The following BCL11A variants were observed in gnomAD, a reference collection of about 807,000 sequenced individuals.
BCL11A encodes the protein BCL11 transcription factor A.
In BCL11A, 2 loss-of-function variants were observed where a neutral mutation model predicts 55.9. That is an observed-to-expected ratio of 0.04 (90% CI 0.01 to 0.11). The LOEUF (loss-of-function observed/expected upper bound fraction) is 0.11. BCL11A is among the 10% of genes least tolerant of loss of function. BCL11A has a pLI of 1.00. For synonymous variants in BCL11A, 465 were observed against 473.4 expected, an observed-to-expected ratio of 0.98 and a Z score of 0.23; for missense variants, 817 against 1,137.1, an observed-to-expected ratio of 0.72 and a Z score of 4.05.
At chr2:60,469,485 C>T (rs1191529615) in intron 2 of BCL11A, among the ~76,000 whole-genome samples, 1 of 152,142 alleles carries the variant, frequency 6.6e-6, no homozygotes, top group Non-Finnish European at 1.5e-5. Context: ...TCTCACAATA[C>T]AAAGCAATGG....
intron 1 of BCL11A, among the ~76,000 whole-genome samples, chr2:60,547,811 T>C (rs1024020995): frequency 6.6e-6 from 1 of 152,208 alleles, no homozygotes; most frequent in Non-Finnish European, 1.5e-5. Context: ...CTCCCAGATG[T>C]GCTAGGTGAA....
rs1239787450 is a variant in BCL11A, at chr2:60,460,274, T to G, written c.*130A>C. 3 of 1,438,910 alleles carry G rather than the reference T, an allele frequency of 2.1e-6. No individual in the cohort carries two copies. Among genetic ancestry groups the G allele is most frequent in the African/African-American group, 1.4e-5 (1 of 69,898 alleles). 89.1% of individuals were successfully genotyped at this position (1,438,910 alleles called of 1,614,324 possible). A position where few individuals can be genotyped will look rare whatever the true frequency, so the allele number is the denominator to read the frequency against. ...CTTAGCTTCGTTACTTCTGTTTGTT[T>G]GTTTGTTTGTTTAAATCACATGGGA... On this transcript the variant is annotated 3_prime_UTR_variant, in exon 4 of 4. Coordinates refer to ENST00000642384, the MANE Select transcript of BCL11A (RefSeq NM_022893.4).
chr2:60,538,694 G>C (rs953742432), intron 2 of BCL11A: 3 of 150,222 alleles, frequency 2.0e-5, no homozygotes, highest in Non-Finnish European at 4.4e-5. Context: ...AAGTCCTTTA[G>C]ATCAGTACTA....
At chr2:60,497,484 T>C (rs1027899077) in intron 2 of BCL11A, among the ~76,000 whole-genome samples, 10 of 152,194 alleles carry the variant, frequency 6.6e-5, no homozygotes, top group Admixed American at 3.3e-4. Flanking sequence ...CTGCCGCTCC[T>C]GAATTGAATT....
intron 2 of BCL11A, among the ~76,000 whole-genome samples, chr2:60,508,206 C>A (rs1679753012): frequency 6.6e-6 from 1 of 152,110 alleles, no homozygotes; most frequent in Non-Finnish European, 1.5e-5. Context: ...TCTACCCCCA[C>A]CCCCAAACAA....
intron 2 of BCL11A, among the ~76,000 whole-genome samples, chr2:60,482,238 A>G (rs1678002904): frequency 6.6e-6 from 1 of 152,078 alleles, no homozygotes; most frequent in Non-Finnish European, 1.5e-5. Flanking sequence ...CCTCCATTAA[A>G]AAAAAAAATT....
rs1393116188 is a variant in BCL11A at position 60,549,538 on chromosome 2, G to A, written c.56-3238C>T. Among the ~76,000 whole-genome samples, 3 of 152,222 alleles carry A rather than the reference G, an allele frequency of 2.0e-5. No individual in the cohort carries two copies. In the East Asian group the frequency reaches 5.8e-4, roughly 29 times the overall value. ...AAGTGAAGTTGGGCGCGGGGACTCT[G>A]AGGCACAAAGCGAGCAGCGTGCTGG... On this transcript the variant is annotated intron_variant, in intron 1 of 3. Transcript: ENST00000642384.
chr2:60,523,589 T>A (rs1005093387), intron 2 of BCL11A, among the ~76,000 whole-genome samples: 1 of 152,128 alleles, frequency 6.6e-6, no homozygotes, highest in South Asian at 2.1e-4. Context: ...TATGTATGTG[T>A]GTATATAGAT....
chr2:60,511,850 G>C (rs1383576339), intron 2 of BCL11A, among the ~76,000 whole-genome samples: 2 of 152,202 alleles, frequency 1.3e-5, no homozygotes, highest in Non-Finnish European at 2.9e-5. Context: ...GCAAGGGTTG[G>C]AGGGAGCTTT....
downstream of BCL11A, among the ~76,000 whole-genome samples, chr2:60,453,469 C>A (rs1675809599): frequency 6.6e-6 from 1 of 152,276 alleles, no homozygotes; most frequent in Admixed American, 6.5e-5. Context: ...GGCCTCCTCT[C>A]CCCTGACTTG....
At chr2:60,551,156 A>C (rs1670398974) in intron 1 of BCL11A, among the ~76,000 whole-genome samples, 1 of 152,212 alleles carries the variant, frequency 6.6e-6, no homozygotes, top group African/African-American at 2.4e-5. Context: ...TTAAAGTAAG[A>C]ATCATAAATT....
chr2:60,467,120 G>GTGGTGGTGATGGTGGTGT (rs1558618173), intron 3 of BCL11A, among the ~76,000 whole-genome samples: 2 of 134,276 alleles, frequency 1.5e-5, no homozygotes, highest in African/African-American at 2.8e-5. Context: ...AGTGGTGGTG[G>GTGGTGGTGATGGTGGTGT]TGGTGGTGAT....
intron 2 of BCL11A, among the ~76,000 whole-genome samples, chr2:60,507,745 G>C (rs1679726977): frequency 6.6e-6 from 1 of 151,652 alleles, no homozygotes; most frequent in African/African-American, 2.4e-5. Context: ...AACAGCACAA[G>C]ACAGAAAGCG....
intron 2 of BCL11A, among the ~76,000 whole-genome samples, chr2:60,474,676 T>A (rs1186251274): frequency 6.6e-6 from 1 of 152,224 alleles, no homozygotes; most frequent in Non-Finnish European, 1.5e-5. Flanking sequence ...ATCACATACC[T>A]CACTATGCAA....
intron 2 of BCL11A, among the ~76,000 whole-genome samples, chr2:60,502,601 CT>C (rs2104415738): frequency 6.6e-6 from 1 of 152,302 alleles, no homozygotes; most frequent in African/African-American, 2.4e-5. Context: ...CAATCCCATG[CT>C]TTCTAATATT....
chr2:60,545,895 CT>C, intron 2 of BCL11A, 75 bp downstream of exon 2: 1 of 1,300,472 alleles, frequency 7.7e-7, no homozygotes, highest in Non-Finnish European at 1.1e-6. Flanking sequence ...TTCACAACTC[CT>C]TACTGCTTGG....
At chr2:60,512,246 T>G (rs1417005620) in intron 2 of BCL11A, among the ~76,000 whole-genome samples, 1 of 152,208 alleles carries the variant, frequency 6.6e-6, no homozygotes, top group African/African-American at 2.4e-5. Flanking sequence ...CCTGTCACTG[T>G]GGAACTGCTC....
rs1219433341 is a variant in BCL11A, at chr2:60,476,892, T to C, written c.386-8059A>G. ...TCTCTAATTTATCAGTTTCCATTAA[T>C]GAGATTTTTGTGTGTATTGGGCCTT... is the stretch of plus-strand genomic sequence containing the variant. On this transcript the variant is annotated intron_variant, in intron 2 of 3. Transcript: ENST00000642384. 2.0e-5 allele frequency among the ~76,000 whole-genome samples: 3 copies of C among 152,238 alleles called. No homozygotes were observed. In the East Asian group the frequency reaches 5.8e-4, roughly 29 times the overall value.
upstream of BCL11A, chr2:60,553,854 G>C (rs1286906430): frequency 2.0e-5 from 3 of 148,218 alleles, no homozygotes; most frequent in Admixed American, 1.3e-4. Context: ...CCGAGGGGAG[G>C]GGGCGCTGGG....
Sources: allele counts gnomAD v4.1 joint callset (sites outside exome capture counted in the v4.1 genomes callset), GRCh38; gene constraint gnomAD v4.1.1; transcripts MANE v1.5; gene names NCBI Gene and HGNC (gene_info 2026-07-23, HGNC 2026-07-21).